The following CBX7 variants were observed in gnomAD, a reference collection of about 807,000 sequenced individuals.
CBX7 encodes the protein chromobox protein homolog 7.
CBX7 carries 14 observed loss-of-function variants against 31.4 expected under a neutral mutation model. The ratio of observed to expected loss-of-function variants is 0.45; its 90% CI spans 0.29 to 0.70. CBX7 has a LOEUF of 0.70. CBX7 is among the 30% of genes least tolerant of loss of function. The pLI is 0.11. For missense variants in CBX7, 269 were observed against 351.9 expected (o/e 0.76, Z 1.89); for synonymous variants, 159 against 152.6 (o/e 1.04, Z -0.31).
At chr22:39,146,160 C>T (rs1049938823) in intron 2 of CBX7, among the ~76,000 whole-genome samples, 12 of 152,230 alleles carry the variant, frequency 7.9e-5, no homozygotes, top group African/African-American at 2.9e-4. Context: ...AAAGTGGGCC[C>T]ACCAGTAACC....
chr22:39,134,913 C>A (rs993867570), intron 4 of CBX7, 161 bp from the exon 5 acceptor site: 9 of 600,116 alleles, frequency 1.5e-5, no homozygotes, highest in Non-Finnish European at 2.6e-5. Context: ...CCCACCCCAG[C>A]CCAGAGAGTG....
At chr22:39,145,601 C>T (rs1930622586) in intron 2 of CBX7, among the ~76,000 whole-genome samples, 1 of 151,526 alleles carries the variant, frequency 6.6e-6, no homozygotes, top group Non-Finnish European at 1.5e-5. Context: ...GCTCGCGGCG[C>T]CGGCGGGGCG....
At position 39,131,933 on chromosome 22, in the gene CBX7, C is replaced by G. The variant is rs1930057706; in HGVS notation, c.*1958G>C. 6.6e-6 allele frequency: 1 copy of G among 152,418 alleles called. No individual in the cohort carries two copies. The allele number at this position is 152,418 out of a possible 1,614,324, so 9.4% of individuals were successfully genotyped here. A position where few individuals can be genotyped will look rare whatever the true frequency, so the allele number is the denominator to read the frequency against. ...GGCACCCCTCTCCTGGAAGAGTCCC[C>G]TCTGAACCCCAAGCTTCCCCTTCCC... On this transcript the variant is annotated 3_prime_UTR_variant, in exon 6 of 6. Coordinates refer to ENST00000216133, the MANE Select transcript of CBX7 (RefSeq NM_175709.5).
Position 39,133,587 on chromosome 22 carries a change from G to T in CBX7, c.*304C>A, listed in dbSNP as rs1453408816. 1.2e-5 allele frequency: 3 copies of T among 240,396 alleles called. No individual in the cohort carries two copies. Among genetic ancestry groups the T allele is most frequent in the Non-Finnish European group, 2.4e-5 (3 of 125,022 alleles). 14.9% of individuals were successfully genotyped at this position (240,396 alleles called of 1,614,324 possible). ...AATGCTCCTTTAACTCCCAGAACCAGCTGCTGCGTCACTAGAGGAGAATGA... is the reference window on the plus strand; with the variant it reads ...AATGCTCCTTTAACTCCCAGAACCATCTGCTGCGTCACTAGAGGAGAATGA... On this transcript the variant is annotated 3_prime_UTR_variant, in exon 6 of 6. Coordinates refer to ENST00000216133, the MANE Select transcript of CBX7 (RefSeq NM_175709.5).
At chr22:39,150,906 C>T (rs1930826333) in intron 1 of CBX7, among the ~76,000 whole-genome samples, 1 of 152,238 alleles carries the variant, frequency 6.6e-6, no homozygotes, top group African/African-American at 2.4e-5. Flanking sequence ...CCACTGGCAC[C>T]TTGCAGTTCT....
At chr22:39,136,091 GAAAAAA>G (rs926759863) in intron 4 of CBX7, 3 of 107,476 alleles carry the variant, frequency 2.8e-5, no homozygotes, top group Non-Finnish European at 6.0e-5. Flanking sequence ...CTCTGTCTGG[GAAAAAA>G]AAAAAAAAAA....
At chr22:39,142,385 G>A (rs975744114) in intron 2 of CBX7, among the ~76,000 whole-genome samples, 7 of 152,162 alleles carry the variant, frequency 4.6e-5, no homozygotes, top group Non-Finnish European at 7.3e-5. Context: ...AAGTTCCCTT[G>A]TCTCTGGGCC....
chr22:39,134,822 T>C, intron 4 of CBX7, 70 bp from the exon 5 acceptor site: 1 of 967,656 alleles, frequency 1.0e-6, no homozygotes, highest in Non-Finnish European at 1.5e-6. Flanking sequence ...GCTCATGCTG[T>C]TCCTCCCACC....
At chr22:39,138,229 C>G (rs530401919) in intron 4 of CBX7, among the ~76,000 whole-genome samples, 1 of 151,888 alleles carries the variant, frequency 6.6e-6, no homozygotes, top group Non-Finnish European at 1.5e-5. Flanking sequence ...TTCTGAAACT[C>G]CAGCCTCTCA....
intron 4 of CBX7, among the ~76,000 whole-genome samples, chr22:39,138,166 G>C (rs1351449774): frequency 7.0e-6 from 1 of 143,828 alleles, no homozygotes; most frequent in Admixed American, 7.0e-5. Flanking sequence ...CTGAGCGACA[G>C]AGCGAGACTC....
chr22:39,134,493 C>A lies in CBX7; in HGVS notation c.506G>T (p.Arg169Leu). 6.2e-7 allele frequency: 1 copy of A among 1,611,494 alleles called. No homozygotes were observed. Among genetic ancestry groups the A allele is most frequent in the Non-Finnish European group, 8.5e-7 (1 of 1,179,844 alleles). The part of the protein sequence containing the change: ...RGPNLESHSH[R>L]RELFLQEPPA... Reference sequence around the variant, plus strand: ...TGGCTCCTGCAGGAAGAGCTCCCGTCGATGGCTGTGGCTCTCCAGGTTGGG... The same window carrying A: ...TGGCTCCTGCAGGAAGAGCTCCCGTAGATGGCTGTGGCTCTCCAGGTTGGG... The change falls in exon 5 of 6, where the codon CGA (arginine) becomes CTA (leucine). Residue 169 changes from arginine to leucine, a missense_variant. Arg to Leu is a moderately radical substitution (Grantham distance 102). This residue lies in a region of CBX7 where 222 missense variants were observed against 240.4 expected (regional missense o/e 0.92). Coordinates refer to ENST00000216133, the MANE Select transcript of CBX7 (RefSeq NM_175709.5).
rs1241679803 is a variant in CBX7, at chr22:39,133,951, G to A, written c.696C>T (p.Val232=). ...CAGCTGCCTGGGCCTCGCGGAAGGT[G>A]ACGGTGATGGAGTTGGCGGTGATGT... The part of the protein sequence containing the change: ...VTDITANSIT[V]TFREAQAAEG... The change falls in exon 6 of 6, where the codon GTC becomes GTT. Residue 232 remains valine (V), a synonymous_variant. Coordinates refer to ENST00000216133, the MANE Select transcript of CBX7 (RefSeq NM_175709.5). 3.7e-6 allele frequency: 6 copies of A among 1,614,006 alleles called. No homozygotes were observed. The highest frequency in any genetic ancestry group is 5.1e-6 in the Non-Finnish European group (6 of 1,179,924).
intron 3 of CBX7, among the ~76,000 whole-genome samples, chr22:39,139,649 G>A: frequency 7.0e-6 from 1 of 142,616 alleles, no homozygotes; most frequent in South Asian, 2.2e-4. Context: ...CTTGCAGTGA[G>A]CCGAGATCGC....
Position 39,137,951 on chromosome 22 carries a change from C to T in CBX7, c.246+685G>A, listed in dbSNP as rs140544970. Among the ~76,000 whole-genome samples the T allele has an allele frequency of 3.5e-3, 539 of 152,064 alleles. 3 individuals carry two copies. The highest frequency in any genetic ancestry group is 0.012 in the African/African-American group (478 of 41,508). On this transcript the variant is annotated intron_variant, in intron 4 of 5. Coordinates refer to ENST00000216133, the MANE Select transcript of CBX7 (RefSeq NM_175709.5). ...AATCCCAGCACTTTGGGAGGCCAAGCCGGGCGGATCATGAGGTCAGGAGAT... is the reference window on the plus strand; with the variant it reads ...AATCCCAGCACTTTGGGAGGCCAAGTCGGGCGGATCATGAGGTCAGGAGAT...
chr22:39,131,768 A>G lies in CBX7; in HGVS notation c.*2123T>C, dbSNP rs1301109720. Reference sequence around the variant, plus strand: ...AAATAGTTCTTTGAAAGTGACCAGGAAGCAGGAAAAAGGTCCTATGTCCCC... The same window carrying G: ...AAATAGTTCTTTGAAAGTGACCAGGGAGCAGGAAAAAGGTCCTATGTCCCC... On this transcript the variant is annotated 3_prime_UTR_variant, in exon 6 of 6. Transcript: ENST00000216133. 6.6e-6 allele frequency: 1 copy of G among 152,244 alleles called. No homozygotes were observed. Among genetic ancestry groups the G allele is most frequent in the African/African-American group, 2.4e-5 (1 of 41,442 alleles). The allele number at this position is 152,244 out of a possible 1,614,324, so 9.4% of individuals were successfully genotyped here.
At chr22:39,142,599 C>T (rs182531208) in intron 2 of CBX7, among the ~76,000 whole-genome samples, 9 of 152,380 alleles carry the variant, frequency 5.9e-5, no homozygotes, top group African/African-American at 2.2e-4. Context: ...ACACCCACCA[C>T]ACCCTCGTTC....
chr22:39,140,284 C>T (rs4821869), intron 3 of CBX7, among the ~76,000 whole-genome samples: 28,580 of 152,100 alleles, frequency 0.19, 3,217 homozygotes, highest in East Asian at 0.43. Flanking sequence ...TGGTGGAGGA[C>T]TAGAATCCGG....
intron 2 of CBX7, among the ~76,000 whole-genome samples, chr22:39,145,537 T>C (rs1930617482): frequency 6.6e-6 from 1 of 151,994 alleles, no homozygotes; most frequent in East Asian, 1.9e-4. Flanking sequence ...GCTCGTTGCC[T>C]GGGCTGCGCG....
In CBX7 at chr22:39,141,331, C is replaced by T. The variant is rs760898103; in HGVS notation, c.179+40G>A. ...GCAGGCTCCTGGGAAGCCTCTGAGC[C>T]GGCCCTAAGCCCCACCCGGCGGTGC... On this transcript the variant is annotated intron_variant, in intron 3 of 5. Coordinates refer to ENST00000216133, the MANE Select transcript of CBX7 (RefSeq NM_175709.5). 1.6e-5 allele frequency: 25 copies of T among 1,575,254 alleles called. No individual in the cohort carries two copies. The East Asian group carries it at 1.8e-4, about 11-fold the overall frequency.
Sources: allele counts gnomAD v4.1 joint callset (sites outside exome capture counted in the v4.1 genomes callset), GRCh38; gene constraint gnomAD v4.1.1; regional missense constraint gnomAD v4.1.1; transcripts MANE v1.5; gene names NCBI Gene and HGNC (gene_info 2026-07-23, HGNC 2026-07-21).